SMC6: variants seen among roughly 807,000 people sequenced by gnomAD.
SMC6 encodes the protein structural maintenance of chromosomes 6.
SMC6 carries 79 observed loss-of-function variants against 142.2 expected under a neutral mutation model. That is an observed-to-expected ratio of 0.56 (90% CI 0.46 to 0.67). The LOEUF (loss-of-function observed/expected upper bound fraction) is 0.67, where lower values mean the gene tolerates loss of function less well. Ranked by LOEUF, SMC6 falls within the 30% of genes least tolerant of loss-of-function variation. The pLI is 0.00. For missense variants in SMC6, 1,072 were observed against 1,284.0 expected, an observed-to-expected ratio of 0.83 and a Z score of 2.52; for synonymous variants, 411 against 412.4, an observed-to-expected ratio of 1.00 and a Z score of 0.04.
At chr2:17,718,805 A>G (rs1429863946) in intron 11 of SMC6, among the ~76,000 whole-genome samples, 1 of 152,194 alleles carries the variant, frequency 6.6e-6, no homozygotes, top group African/African-American at 2.4e-5. Context: ...ATGAAGGGGT[A>G]GAAGGGCCTC....
intron 3 of SMC6, among the ~76,000 whole-genome samples, chr2:17,744,120 G>A (rs962154992): frequency 6.6e-6 from 1 of 152,166 alleles, no homozygotes; most frequent in African/African-American, 2.4e-5. Context: ...GGACTGTATG[G>A]TAAGAGGATG....
chr2:17,717,043 T>C lies in SMC6; in HGVS notation c.1181+45A>G, dbSNP rs1159427525. On this transcript the variant is annotated intron_variant, in intron 13 of 27. Transcript: ENST00000448223. ...ACTCCAATGCATCTACCTTACTTTA[T>C]TACAAAATGGGATAGCCATGAAAAT... 10 of 1,573,342 alleles carry C rather than the reference T, an allele frequency of 6.4e-6. No homozygotes were observed. The African/African-American group carries it at 1.1e-4, about 17-fold the overall frequency.
chr2:17,665,856 G>A (rs1291147283), intron 27 of SMC6, among the ~76,000 whole-genome samples: 1 of 152,158 alleles, frequency 6.6e-6, no homozygotes, highest in Non-Finnish European at 1.5e-5. Flanking sequence ...AAATGAAAGA[G>A]ATTTATATAT....
intron 23 of SMC6, among the ~76,000 whole-genome samples, chr2:17,686,605 G>A (rs1237357114): frequency 2.0e-5 from 3 of 152,108 alleles, no homozygotes; most frequent in South Asian, 2.1e-4. Context: ...CAGTAAAAAC[G>A]CAGGTACACA....
At chr2:17,695,709 C>G (rs1667954886) in intron 22 of SMC6, among the ~76,000 whole-genome samples, 1 of 152,154 alleles carries the variant, frequency 6.6e-6, no homozygotes, top group African/African-American at 2.4e-5. Context: ...CACTTTTACA[C>G]ATAGTACTTT....
At chr2:17,745,976 T>C in intron 2 of SMC6, 25 bp from the exon 3 acceptor site, 2 of 1,565,476 alleles carry the variant, frequency 1.3e-6, no homozygotes, top group Non-Finnish European at 8.6e-7. Context: ...ATAGTAACAA[T>C]GAGGTAAATC....
chr2:17,686,204 G>A (rs141373438), intron 23 of SMC6, among the ~76,000 whole-genome samples: 257 of 152,204 alleles, frequency 1.7e-3, no homozygotes, highest in African/African-American at 4.3e-3. Flanking sequence ...GGCCAGGTAC[G>A]GTATCTCACT....
At chr2:17,699,559 T>C (rs544986755) in intron 21 of SMC6, among the ~76,000 whole-genome samples, 7 of 152,278 alleles carry the variant, frequency 4.6e-5, no homozygotes, top group Admixed American at 3.9e-4. Context: ...TCCTTCACTT[T>C]CTAAGACTCC....
chr2:17,708,425 A>G (rs1668658374), intron 17 of SMC6, among the ~76,000 whole-genome samples: 1 of 152,150 alleles, frequency 6.6e-6, no homozygotes, highest in Admixed American at 6.6e-5. Flanking sequence ...GATTTTATAA[A>G]GAACAGCTGA....
chr2:17,699,646 T>G (rs1668175115), intron 21 of SMC6, among the ~76,000 whole-genome samples: 2 of 152,150 alleles, frequency 1.3e-5, no homozygotes, highest in Admixed American at 1.3e-4. Context: ...AGTCTATTTG[T>G]TTTTCTTTAG....
chr2:17,728,669 A>T (rs1669750528), intron 7 of SMC6, among the ~76,000 whole-genome samples: 1 of 152,232 alleles, frequency 6.6e-6, no homozygotes, highest in Non-Finnish European at 1.5e-5. Flanking sequence ...ATGATCAGAC[A>T]CTTAAAGATA....
At chr2:17,690,244 T>C (rs750543462) in intron 23 of SMC6, among the ~76,000 whole-genome samples, 4 of 152,156 alleles carry the variant, frequency 2.6e-5, no homozygotes, top group Non-Finnish European at 5.9e-5. Context: ...AAATTAACAA[T>C]GAAAATCAGA....
At chr2:17,751,378 G>A (rs1671026310) in intron 2 of SMC6, among the ~76,000 whole-genome samples, 1 of 151,472 alleles carries the variant, frequency 6.6e-6, no homozygotes, top group East Asian at 1.9e-4. Flanking sequence ...TACTCCGGAG[G>A]CTGAGGCAGG....
chr2:17,682,295 G>T (rs1667270657), intron 24 of SMC6, among the ~76,000 whole-genome samples: 1 of 152,150 alleles, frequency 6.6e-6, no homozygotes, highest in Non-Finnish European at 1.5e-5. Context: ...CTGGCTATCA[G>T]ATAGTGACTA....
intron 16 of SMC6, among the ~76,000 whole-genome samples, chr2:17,713,207 C>T (rs1558354875): frequency 6.6e-6 from 1 of 152,214 alleles, no homozygotes. Context: ...ACTCTCCCTC[C>T]ACTCACATCT....
Position 17,716,809 on chromosome 2 carries a change from T to A in SMC6, c.1278A>T (p.Ser426=), listed in dbSNP as rs1212778703. Residue 426 remains serine (S), a synonymous_variant, in exon 14 of 28, where the codon TCA becomes TCT. Transcript: ENST00000448223. The part of the protein sequence containing the change: ...RVKAFQNQEN[S]VNQEIEQFQQ... ...GAAACTGTTCGATCTCTTGATTGAC[T>A]GAATTTTCTTGATTTTGAAAGGCCT... The A allele has an allele frequency of 6.2e-7, 1 of 1,613,710 alleles. No homozygotes were observed. Among genetic ancestry groups the A allele is most frequent in the Admixed American group, 1.7e-5 (1 of 59,990 alleles).
intron 3 of SMC6, among the ~76,000 whole-genome samples, chr2:17,743,473 G>T (rs553924454): frequency 1.3e-5 from 2 of 151,998 alleles, no homozygotes; most frequent in Non-Finnish European, 2.9e-5. Flanking sequence ...AAATTGAGAG[G>T]AAGATACAAA....
At chr2:17,722,912 T>C (rs933485831) in intron 9 of SMC6, among the ~76,000 whole-genome samples, 8 of 151,478 alleles carry the variant, frequency 5.3e-5, no homozygotes, top group African/African-American at 1.9e-4. Context: ...AATTTACATA[T>C]CCAACTTCCC....
intron 3 of SMC6, among the ~76,000 whole-genome samples, chr2:17,742,126 T>C (rs1183938007): frequency 8.5e-5 from 13 of 152,186 alleles, no homozygotes; most frequent in Non-Finnish European, 1.5e-5. Flanking sequence ...CATTGCTAAA[T>C]GTCCCTGGGG....
Sources: allele counts gnomAD v4.1 joint callset (sites outside exome capture counted in the v4.1 genomes callset), GRCh38; gene constraint gnomAD v4.1.1; transcripts MANE v1.5; gene names NCBI Gene and HGNC (gene_info 2026-07-23, HGNC 2026-07-21).